The following FBXL13 variants were observed in gnomAD, a reference collection of about 807,000 sequenced individuals.
FBXL13 encodes the protein F-box and leucine-rich repeat protein 13.
In FBXL13, 67 loss-of-function variants were observed where a neutral mutation model predicts 83.6. That is an observed-to-expected ratio of 0.80 (90% CI 0.66 to 0.98). The LOEUF (loss-of-function observed/expected upper bound fraction) is 0.98. Among genes scored for constraint, FBXL13 ranks in the 50% least tolerant of loss-of-function variants. The probability of loss-of-function intolerance (pLI) is 0.00; values close to 1 mark genes in which losing one functional copy is unlikely to be tolerated. For synonymous variants in FBXL13, 272 were observed against 299.5 expected, an observed-to-expected ratio of 0.91 and a Z score of 0.95; for missense variants, 822 against 866.5, an observed-to-expected ratio of 0.95 and a Z score of 0.64.
At chr7:102,814,981 G>A (rs774973335) in intron 19 of FBXL13, among the ~76,000 whole-genome samples, 19 of 151,986 alleles carry the variant, frequency 1.3e-4, no homozygotes, top group Non-Finnish European at 2.4e-4. Flanking sequence ...TTCTATAAAG[G>A]TGAGATTATC....
chr7:103,008,190 C>T (rs912980733), intron 6 of FBXL13, among the ~76,000 whole-genome samples: 4 of 152,142 alleles, frequency 2.6e-5, no homozygotes, highest in African/African-American at 9.7e-5. Context: ...AATTGAGAGA[C>T]ATTCTACAAT....
rs1353493041 is a variant in FBXL13 at position 102,893,973 on chromosome 7, AGAAAGAAAGAG to A, written c.1009-9672_1009-9662del. Among the ~76,000 whole-genome samples the A allele has an allele frequency of 6.0e-3, 900 of 150,928 alleles. 12 individuals carry two copies. Among genetic ancestry groups the A allele is most frequent in the African/African-American group, 0.021 (868 of 40,648 alleles). On this transcript the variant is annotated intron_variant, in intron 11 of 19. Coordinates refer to ENST00000313221, the Ensembl canonical transcript of FBXL13. Reference sequence around the variant, plus strand: ...AAGAAAGAAAGAAAGAGAGAAAGAAAGAAAGAAAGAGGAAAGAAAGAAAGAGGAAAGAAAAG... The same window carrying A: ...AAGAAAGAAAGAAAGAGAGAAAGAAAGAAAGAAAGAAAGAGGAAAGAAAAG...
chr7:102,864,740 TTA>T (rs1807386470), intron 16 of FBXL13, among the ~76,000 whole-genome samples: 1 of 100,256 alleles, frequency 1.0e-5, no homozygotes, highest in African/African-American at 3.8e-5. Flanking sequence ...CAAACAAATC[TTA>T]TGTCAGAATT....
intron 8 of FBXL13, chr7:102,944,704 C>A: frequency 9.4e-7 from 1 of 1,062,784 alleles, no homozygotes; most frequent in Non-Finnish European, 1.3e-6. Context: ...CCTATTTATG[C>A]AGGGTAATCC....
At chr7:102,866,142 G>A (rs1457521565) in intron 16 of FBXL13, among the ~76,000 whole-genome samples, 4 of 152,144 alleles carry the variant, frequency 2.6e-5, no homozygotes, top group African/African-American at 9.7e-5. Flanking sequence ...TAGAAGGAAG[G>A]AAAATTGGCA....
chr7:102,955,575 C>CA (rs546125880), intron 8 of FBXL13, among the ~76,000 whole-genome samples: 8,364 of 148,202 alleles, frequency 0.056, 308 homozygotes, highest in South Asian at 0.13. Context: ...AAAAACCATT[C>CA]AAAAAAAAAC....
intron 16 of FBXL13, among the ~76,000 whole-genome samples, chr7:102,857,298 T>C (rs1017513245): frequency 9.9e-5 from 15 of 152,044 alleles, no homozygotes; most frequent in Admixed American, 3.3e-4. Flanking sequence ...AGACAACCTA[T>C]AGAATGGGAG....
chr7:102,878,154 T>G (rs1435238302), intron 15 of FBXL13, among the ~76,000 whole-genome samples, 177 bp downstream of exon 16: 1 of 152,162 alleles, frequency 6.6e-6, no homozygotes, highest in East Asian at 1.9e-4. Context: ...ATTTAAAAAT[T>G]GGTCCAATCT....
At chr7:102,831,654 A>C (rs1800725809) in intron 18 of FBXL13, among the ~76,000 whole-genome samples, 1 of 152,148 alleles carries the variant, frequency 6.6e-6, no homozygotes, top group South Asian at 2.1e-4. Flanking sequence ...CCAAAGGTAC[A>C]CGGTGCTCCC....
intron 8 of FBXL13, chr7:102,944,183 G>A (rs781464919): frequency 6.4e-7 from 1 of 1,571,194 alleles, no homozygotes; most frequent in Non-Finnish European, 8.6e-7. Flanking sequence ...CAATTACTCA[G>A]GCTCAATAAA....
intron 2 of FBXL13, chr7:103,046,839 A>G (rs1232368374): frequency 6.6e-6 from 1 of 152,146 alleles, no homozygotes; most frequent in Non-Finnish European, 1.5e-5. Context: ...TACAGTTCCA[A>G]TAGTGTGGAG....
chr7:102,994,441 A>G (rs1016585478), intron 6 of FBXL13, among the ~76,000 whole-genome samples: 3 of 151,450 alleles, frequency 2.0e-5, no homozygotes, highest in African/African-American at 7.2e-5. Context: ...AAAAAAAGAT[A>G]TAGAGGCTAT....
intron 11 of FBXL13, among the ~76,000 whole-genome samples, chr7:102,890,375 G>T (rs1360313060): frequency 6.6e-6 from 1 of 152,178 alleles, no homozygotes; most frequent in Non-Finnish European, 1.5e-5. Flanking sequence ...ACCAACTGGA[G>T]CCCTGCCACC....
At chr7:102,963,709 C>G in intron 7 of FBXL13, 44 bp from the exon 9 acceptor site, 1 of 1,551,810 alleles carries the variant, frequency 6.4e-7, no homozygotes, top group Non-Finnish European at 8.7e-7. Context: ...AGAAAGTCCC[C>G]AAAAACAATT....
intron 16 of FBXL13, among the ~76,000 whole-genome samples, chr7:102,860,886 T>G (rs1428752299): frequency 6.6e-6 from 1 of 152,120 alleles, no homozygotes; most frequent in East Asian, 1.9e-4. Flanking sequence ...ATTTGCCACA[T>G]TTATTTAGTT....
chr7:102,900,967 TCAA>T (rs1477608617), intron 11 of FBXL13, among the ~76,000 whole-genome samples: 1 of 152,202 alleles, frequency 6.6e-6, no homozygotes, highest in Non-Finnish European at 1.5e-5. Flanking sequence ...ATTTAGAAAC[TCAA>T]ATACTTACTG....
chr7:103,049,723 A>G (rs776584413), intron 2 of FBXL13, among the ~76,000 whole-genome samples: 21 of 152,212 alleles, frequency 1.4e-4, no homozygotes, highest in Admixed American at 2.6e-4. Context: ...ACTTTTAACC[A>G]TAGCACTCTT....
At chr7:102,828,022 C>T (rs1327079573) in intron 18 of FBXL13, among the ~76,000 whole-genome samples, 1 of 152,160 alleles carries the variant, frequency 6.6e-6, no homozygotes, top group South Asian at 2.1e-4. Flanking sequence ...AGCGTGATGC[C>T]TCCAGCTTTG....
chr7:102,879,232 G>C (rs974293607), intron 14 of FBXL13, among the ~76,000 whole-genome samples: 2 of 152,198 alleles, frequency 1.3e-5, no homozygotes, highest in Non-Finnish European at 2.9e-5. Context: ...GTACAGATGG[G>C]AAGAACACTG....
Sources: gnomAD v4.1 joint callset for allele counts (sites outside exome capture counted in the v4.1 genomes callset) on GRCh38, gnomAD v4.1.1 for gene constraint, MANE v1.5 for transcripts, NCBI Gene and HGNC (gene_info 2026-07-23, HGNC 2026-07-21) for gene names.